EXOC6B: variants seen among roughly 807,000 people sequenced by gnomAD.
The protein encoded by EXOC6B is exocyst complex component 6B, also known as SEC15 homolog B.
In EXOC6B, 54 loss-of-function variants were observed where a neutral mutation model predicts 113.5. The ratio of observed to expected loss-of-function variants is 0.48; its 90% CI spans 0.38 to 0.60. EXOC6B has a LOEUF of 0.60. EXOC6B is among the 20% of genes least tolerant of loss of function. The probability of loss-of-function intolerance (pLI) is 0.00; values close to 1 mark genes in which losing one functional copy is unlikely to be tolerated. For synonymous variants in EXOC6B, 357 were observed against 339.0 expected (o/e 1.05, Z -0.58); for missense variants, 797 against 977.5 (o/e 0.82, Z 2.46).
At chr2:72,426,875 C>G in intron 18 of EXOC6B, among the ~76,000 whole-genome samples, 1 of 152,372 alleles carries the variant, frequency 6.6e-6, no homozygotes, top group South Asian at 2.1e-4. Flanking sequence ...AGAGGAGGTG[C>G]AAGCAGTGGC....
At chr2:72,254,053 A>C (rs921135471) in intron 20 of EXOC6B, among the ~76,000 whole-genome samples, 1 of 151,812 alleles carries the variant, frequency 6.6e-6, no homozygotes, top group Non-Finnish European at 1.5e-5. Context: ...CCAGCTACTC[A>C]GGAGGCTGAG....
At chr2:72,293,304 A>T (rs185606869) in intron 20 of EXOC6B, among the ~76,000 whole-genome samples, 1 of 152,200 alleles carries the variant, frequency 6.6e-6, no homozygotes, top group African/African-American at 2.4e-5. Context: ...TTTATAATAT[A>T]GTAGAATGAT....
intron 18 of EXOC6B, among the ~76,000 whole-genome samples, chr2:72,458,771 G>A (rs1697417978): frequency 6.6e-6 from 1 of 152,208 alleles, no homozygotes; most frequent in African/African-American, 2.4e-5. Context: ...ATTCAGACAA[G>A]CACCAGGTTT....
intron 7 of EXOC6B, among the ~76,000 whole-genome samples, chr2:72,572,252 C>T (rs1182494114): frequency 1.3e-5 from 2 of 152,074 alleles, no homozygotes; most frequent in Non-Finnish European, 2.9e-5. Flanking sequence ...GCTCCAGGGA[C>T]CAGGAGCTCC....
chr2:72,814,993 AAAAAT>A (rs1033296990), intron 1 of EXOC6B, among the ~76,000 whole-genome samples: 1 of 152,256 alleles, frequency 6.6e-6, no homozygotes. Flanking sequence ...TCCGTCTCAA[AAAAAT>A]AAAATAAAAT....
intron 6 of EXOC6B, among the ~76,000 whole-genome samples, chr2:72,683,738 T>C (rs1250682557): frequency 6.6e-6 from 1 of 152,194 alleles, no homozygotes; most frequent in Non-Finnish European, 1.5e-5. Context: ...TAAATTGACC[T>C]TTCTAAGCCA....
chr2:72,282,123 A>G (rs1156398980), intron 20 of EXOC6B, among the ~76,000 whole-genome samples: 10 of 152,200 alleles, frequency 6.6e-5, no homozygotes, highest in Admixed American at 6.5e-4. Flanking sequence ...AGATGATTCA[A>G]CATCTGTAGG....
At chr2:72,488,123 G>A (rs576398857) in intron 16 of EXOC6B, among the ~76,000 whole-genome samples, 3 of 152,210 alleles carry the variant, frequency 2.0e-5, no homozygotes, top group South Asian at 4.1e-4. Context: ...TAAATCCAAT[G>A]GCAATTCTTC....
At chr2:72,755,725 C>T (rs1338117681) in intron 1 of EXOC6B, among the ~76,000 whole-genome samples, 4 of 152,142 alleles carry the variant, frequency 2.6e-5, no homozygotes, top group African/African-American at 9.7e-5. Context: ...CCTAGCTCTC[C>T]TCTAACCTCC....
At chr2:72,625,029 C>A (rs1321130344) in intron 6 of EXOC6B, among the ~76,000 whole-genome samples, 1 of 145,920 alleles carries the variant, frequency 6.9e-6, no homozygotes. Flanking sequence ...TCTTTCCAAA[C>A]CTTTATTTAT....
At chr2:72,706,339 A>G (rs887131276) in intron 6 of EXOC6B, among the ~76,000 whole-genome samples, 3 of 152,306 alleles carry the variant, frequency 2.0e-5, no homozygotes, top group African/African-American at 7.2e-5. Flanking sequence ...ACAAGAGGAC[A>G]TAAGGAATGT....
chr2:72,466,044 G>A (rs1413444655), intron 17 of EXOC6B, among the ~76,000 whole-genome samples: 2 of 151,912 alleles, frequency 1.3e-5, no homozygotes, highest in East Asian at 3.9e-4. Context: ...CTCTGACCCA[G>A]ACAAACTTTG....
At chr2:72,663,608 T>C (rs1163228808) in intron 6 of EXOC6B, among the ~76,000 whole-genome samples, 1 of 152,156 alleles carries the variant, frequency 6.6e-6, no homozygotes, top group African/African-American at 2.4e-5. Context: ...CAAAGAAATT[T>C]AAAGCTGTTT....
chr2:72,500,320 C>T (rs1573266288), intron 11 of EXOC6B, among the ~76,000 whole-genome samples: 1 of 152,026 alleles, frequency 6.6e-6, no homozygotes, highest in African/African-American at 2.4e-5. Flanking sequence ...TGGCTAAAAC[C>T]ATTTTCAAAA....
At chr2:72,278,473 A>C (rs1219204788) in intron 20 of EXOC6B, among the ~76,000 whole-genome samples, 1 of 152,210 alleles carries the variant, frequency 6.6e-6, no homozygotes, top group Non-Finnish European at 1.5e-5. Context: ...TGTCAAACCA[A>C]GGCAAAGAAG....
At chr2:72,550,354 T>C (rs1213874894) in intron 8 of EXOC6B, among the ~76,000 whole-genome samples, 1 of 152,168 alleles carries the variant, frequency 6.6e-6, no homozygotes, top group Non-Finnish European at 1.5e-5. Context: ...CACTAGAAGT[T>C]ATACATGCTT....
chr2:72,468,673 T>C (rs1253602203), intron 17 of EXOC6B, among the ~76,000 whole-genome samples: 2 of 152,216 alleles, frequency 1.3e-5, no homozygotes, highest in East Asian at 1.9e-4. Context: ...TTTATTCCTA[T>C]GAAAAATGCA....
In EXOC6B at chr2:72,401,199, G is replaced by T. The variant is rs184027989; in HGVS notation, c.1981-21329C>A. On this transcript the variant is annotated intron_variant, in intron 18 of 21. Transcript: ENST00000272427. ...TATATGGCCAGGCGTGGTAACTCAC[G>T]CCTGTAACCCCAGCACTTTGGGGAG... is the stretch of plus-strand genomic sequence containing the variant. Among the ~76,000 whole-genome samples, 93 of 151,326 alleles carry T rather than the reference G, an allele frequency of 6.1e-4. 1 individual carries two copies. Among genetic ancestry groups the T allele is most frequent in the African/African-American group, 2.1e-3 (87 of 41,300 alleles).
intron 6 of EXOC6B, among the ~76,000 whole-genome samples, chr2:72,702,246 T>G (rs1032317810): frequency 1.5e-4 from 23 of 151,516 alleles, no homozygotes; most frequent in Non-Finnish European, 2.9e-4. Context: ...ACAAAGGACA[T>G]GAACTCATCA....
Sources: allele counts gnomAD v4.1 joint callset (sites outside exome capture counted in the v4.1 genomes callset), GRCh38; gene constraint gnomAD v4.1.1; transcripts MANE v1.5; gene names NCBI Gene and HGNC (gene_info 2026-07-23, HGNC 2026-07-21).